CCDC198: variants seen among roughly 807,000 people sequenced by gnomAD.
CCDC198 encodes factor associated with metabolism and energy.
Under a neutral mutation model 35.6 loss-of-function variants are expected in CCDC198, and 18 were observed. The ratio of observed to expected loss-of-function variants is 0.51; its 90% CI spans 0.35 to 0.75. The LOEUF is 0.75. Ranked by LOEUF, CCDC198 falls within the 30% of genes least tolerant of loss-of-function variation. The pLI, the probability that CCDC198 is intolerant of heterozygous loss-of-function variation, is 0.01. For synonymous variants in CCDC198, 119 were observed against 113.4 expected (o/e 1.05, Z -0.31); for missense variants, 365 against 343.7 (o/e 1.06, Z -0.49).
In CCDC198 at chr14:57,480,625, A is replaced by G; in HGVS notation, c.625T>C (p.Leu209=). The G allele has an allele frequency of 6.2e-7, 1 of 1,614,152 alleles. No individual in the cohort carries two copies. Among genetic ancestry groups the G allele is most frequent in the Non-Finnish European group, 8.5e-7 (1 of 1,180,010 alleles). ...RNDDHDLLTM[L]PDEILNRGPG... is the part of the protein sequence containing the mutation. Reference sequence around the variant, plus strand: ...CCTCTGTTCAAGATTTCATCAGGCAACATGGTTAGAAGGTCATGGTCATCA... The same window carrying G: ...CCTCTGTTCAAGATTTCATCAGGCAGCATGGTTAGAAGGTCATGGTCATCA... The change falls in exon 5 of 6, where the codon TTG becomes CTG. Residue 209 remains leucine (L), a synonymous_variant. Coordinates refer to ENST00000216445, the MANE Select transcript of CCDC198 (RefSeq NM_018168.4).
At chr14:57,482,890 A>G (rs1594801393) in intron 3 of CCDC198, among the ~76,000 whole-genome samples, 175 bp downstream of exon 3, 1 of 152,188 alleles carries the variant, frequency 6.6e-6, no homozygotes, top group Non-Finnish European at 1.5e-5. Flanking sequence ...GGAGGCATGC[A>G]CAGAAGAGAA....
chr14:57,480,328 G>A (rs17722448), intron 5 of CCDC198: 257,459 of 976,478 alleles, frequency 0.26, 35,251 homozygotes, highest in African/African-American at 0.37. Context: ...TTCTAGGGAT[G>A]AGGCAAGACT....
At chr14:57,471,871 A>G (rs2066831994) in intron 5 of CCDC198, among the ~76,000 whole-genome samples, 1 of 151,744 alleles carries the variant, frequency 6.6e-6, no homozygotes, top group African/African-American at 2.4e-5. Context: ...ACATTTTGCC[A>G]CAATACTTTT....
rs112372136 is a variant in CCDC198, at chr14:57,473,253, G to A, written c.656-1663C>T. Among the ~76,000 whole-genome samples the A allele has an allele frequency of 2.8e-4, 42 of 152,234 alleles. 1 individual carries two copies. Among genetic ancestry groups the A allele is most frequent in the African/African-American group, 9.6e-4 (40 of 41,532 alleles). ...GTTGTTGCCTATTTAGATAGCACTG[G>A]CAGATAACCATCTTAACGTCTGCAG... is the stretch of plus-strand genomic sequence containing the variant. On this transcript the variant is annotated intron_variant, in intron 5 of 5. Coordinates refer to ENST00000216445, the MANE Select transcript of CCDC198 (RefSeq NM_018168.4).
intron 3 of CCDC198, 134 bp downstream of exon 3, chr14:57,482,931 T>C: frequency 8.1e-7 from 1 of 1,238,876 alleles, no homozygotes; most frequent in South Asian, 1.4e-5. Context: ...TCACTCTGAA[T>C]GACTTAACAG....
intron 3 of CCDC198, among the ~76,000 whole-genome samples, chr14:57,481,944 G>A (rs1338045306): frequency 1.3e-5 from 2 of 152,142 alleles, no homozygotes; most frequent in Non-Finnish European, 2.9e-5. Flanking sequence ...TTTTTGGCAA[G>A]ATATCACTTC....
At chr14:57,487,830 A>G (rs1328329097) in intron 2 of CCDC198, among the ~76,000 whole-genome samples, 1 of 152,182 alleles carries the variant, frequency 6.6e-6, no homozygotes, top group African/African-American at 2.4e-5. Flanking sequence ...TATTCTCTCA[A>G]AAACTCATTT....
chr14:57,472,914 G>A (rs1164442151), intron 5 of CCDC198, among the ~76,000 whole-genome samples: 1 of 152,132 alleles, frequency 6.6e-6, no homozygotes. Flanking sequence ...TGGTTGAAAC[G>A]ACCATAACTT....
At chr14:57,484,896 GA>G (rs1258733519) in intron 2 of CCDC198, among the ~76,000 whole-genome samples, 1 of 152,198 alleles carries the variant, frequency 6.6e-6, no homozygotes, top group Admixed American at 6.5e-5. Context: ...GATGTGGAGA[GA>G]TCAGCTAAGA....
chr14:57,493,344 T>C, intron 1 of CCDC198, 149 bp downstream of exon 1: 1 of 669,404 alleles, frequency 1.5e-6, no homozygotes, highest in Non-Finnish European at 2.6e-6. Flanking sequence ...CAATCCTCAT[T>C]GAAAGATTTG....
At position 57,477,986 on chromosome 14, in the gene CCDC198, G is replaced by A. The variant is rs2067059871; in HGVS notation, c.655+2609C>T. On this transcript the variant is annotated intron_variant, in intron 5 of 5. Transcript: ENST00000216445. ...GTGCTGGGATTACAGGCATGACTGG[G>A]TGTTCTTGAGAAGCTCCTCAGGTGG... Among the ~76,000 whole-genome samples, 2 of 152,056 alleles carry A rather than the reference G, an allele frequency of 1.3e-5. 1 individual carries two copies. The highest frequency in any genetic ancestry group is 1.3e-4 in the Admixed American group (2 of 15,246).
chr14:57,479,126 G>T (rs773982075), intron 5 of CCDC198: 4 of 904,212 alleles, frequency 4.4e-6, no homozygotes, highest in Non-Finnish European at 4.7e-6. Flanking sequence ...AGCATAGAGC[G>T]ATCTGAGAGC....
At chr14:57,483,006 C>G in intron 3 of CCDC198, 59 bp downstream of exon 3, 1 of 1,611,710 alleles carries the variant, frequency 6.2e-7, no homozygotes, top group Middle Eastern at 1.8e-4. Flanking sequence ...CTCCAGTGCC[C>G]CAATCCTGTG....
intron 5 of CCDC198, chr14:57,480,279 C>T (rs1232147281): frequency 1.0e-6 from 1 of 985,314 alleles, no homozygotes; most frequent in African/African-American, 1.7e-5. Flanking sequence ...ATGCTTCATT[C>T]TCTCTAACCA....
chr14:57,474,287 TA>T (rs1276313466), intron 5 of CCDC198, among the ~76,000 whole-genome samples: 1 of 152,120 alleles, frequency 6.6e-6, no homozygotes, highest in African/African-American at 2.4e-5. Flanking sequence ...AACTAGGACC[TA>T]AAAAAGGCCC....
chr14:57,473,835 C>T (rs1029076222), intron 5 of CCDC198, among the ~76,000 whole-genome samples: 2 of 152,132 alleles, frequency 1.3e-5, no homozygotes, highest in African/African-American at 2.4e-5. Context: ...GTGATTTGGC[C>T]CTGCCCATGT....
chr14:57,492,722 C>T (rs1314441323), intron 1 of CCDC198, among the ~76,000 whole-genome samples: 1 of 151,976 alleles, frequency 6.6e-6, no homozygotes, highest in Non-Finnish European at 1.5e-5. Flanking sequence ...ATAAGGGAAA[C>T]TTATTTGTGT....
At chr14:57,474,287 T>C (rs1436279842) in intron 5 of CCDC198, among the ~76,000 whole-genome samples, 1 of 152,120 alleles carries the variant, frequency 6.6e-6, no homozygotes, top group Non-Finnish European at 1.5e-5. Flanking sequence ...AACTAGGACC[T>C]AAAAAAGGCC....
Position 57,493,857 on chromosome 14 carries a change from T to C in CCDC198, c.-142A>G, listed in dbSNP as rs1479672446. Reference sequence around the variant, plus strand: ...TTCCTTCATGGCATCCTTCTAGCTCTGTTTCACTGCACACTAACCCTTTTG... The same window carrying C: ...TTCCTTCATGGCATCCTTCTAGCTCCGTTTCACTGCACACTAACCCTTTTG... On this transcript the variant is annotated 5_prime_UTR_variant, in exon 1 of 6. Transcript: ENST00000216445. The C allele has an allele frequency of 6.0e-6, 4 of 667,948 alleles. No homozygotes were observed. Among genetic ancestry groups the C allele is most frequent in the Non-Finnish European group, 5.0e-6 (2 of 398,010 alleles). The allele number at this position is 667,948 out of a possible 1,614,324, so 41.4% of individuals were successfully genotyped here.
Sources: gnomAD v4.1 joint callset for allele counts (sites outside exome capture counted in the v4.1 genomes callset) on GRCh38, gnomAD v4.1.1 for gene constraint, MANE v1.5 for transcripts, NCBI Gene and HGNC (gene_info 2026-07-23, HGNC 2026-07-21) for gene names.